The following STIM2 variants were observed in gnomAD, a reference collection of about 807,000 sequenced individuals.
The protein encoded by STIM2 is stromal interaction molecule 2.
STIM2 carries 31 observed loss-of-function variants against 85.8 expected under a neutral mutation model. The ratio of observed to expected loss-of-function variants is 0.36; its 90% CI spans 0.27 to 0.49. The LOEUF (loss-of-function observed/expected upper bound fraction) is 0.49. Among genes scored for constraint, STIM2 ranks in the 20% least tolerant of loss-of-function variants. The pLI, the probability that STIM2 is intolerant of heterozygous loss-of-function variation, is 0.98. For missense variants in STIM2, 841 were observed against 927.6 expected (o/e 0.91, Z 1.21); for synonymous variants, 356 against 331.1 (o/e 1.08, Z -0.82).
intron 2 of STIM2, among the ~76,000 whole-genome samples, chr4:26,941,659 TA>T (rs1560214254): frequency 6.6e-6 from 1 of 151,260 alleles, no homozygotes; most frequent in Non-Finnish European, 1.5e-5. Flanking sequence ...AAAATTATAC[TA>T]TGTAGCAAAT....
chr4:26,869,020 C>T (rs888644642), intron 1 of STIM2, among the ~76,000 whole-genome samples: 9 of 152,094 alleles, frequency 5.9e-5, no homozygotes, highest in East Asian at 1.9e-4. Flanking sequence ...TGGGGTCGTA[C>T]GCTGTAGCTT....
chr4:26,999,930 A>C (rs914785180), intron 5 of STIM2, among the ~76,000 whole-genome samples: 2 of 152,204 alleles, frequency 1.3e-5, no homozygotes, highest in African/African-American at 4.8e-5. Flanking sequence ...GTATTTATTT[A>C]CTTTGACAGG....
intron 3 of STIM2, among the ~76,000 whole-genome samples, chr4:26,965,384 T>A (rs1336673264): frequency 6.6e-6 from 1 of 152,194 alleles, no homozygotes. Context: ...TTTACAAATT[T>A]GGCAAACATT....
At chr4:26,922,502 G>C (rs558927445) in intron 2 of STIM2, among the ~76,000 whole-genome samples, 1 of 152,064 alleles carries the variant, frequency 6.6e-6, no homozygotes, top group Non-Finnish European at 1.5e-5. Flanking sequence ...CACTTTACTG[G>C]TTTATTTTAA....
intron 2 of STIM2, among the ~76,000 whole-genome samples, chr4:26,950,434 A>G (rs1018405084): frequency 8.5e-5 from 13 of 152,138 alleles, no homozygotes; most frequent in African/African-American, 2.9e-4. Context: ...GTGTTCCCCA[A>G]AATTTATGTG....
At chr4:26,895,510 C>G (rs1246355463) in intron 1 of STIM2, among the ~76,000 whole-genome samples, 1 of 152,102 alleles carries the variant, frequency 6.6e-6, no homozygotes, top group African/African-American at 2.4e-5. Flanking sequence ...TCTCCTTTTC[C>G]TAACTTTTTT....
chr4:27,009,051 T>G (rs553476280), intron 10 of STIM2, 49 bp downstream of exon 10: 2 of 1,526,052 alleles, frequency 1.3e-6, no homozygotes. Flanking sequence ...TTAAAGTAAT[T>G]TTCTCCTATG....
chr4:26,880,708 T>C lies in STIM2; in HGVS notation c.151+19339T>C, dbSNP rs1421416592. Among the ~76,000 whole-genome samples the C allele has an allele frequency of 2.0e-5, 3 of 147,372 alleles. No homozygotes were observed. In the East Asian group the frequency reaches 5.9e-4, roughly 29 times the overall value. On this transcript the variant is annotated intron_variant, in intron 1 of 11. Transcript: ENST00000467087. ...ATATATATATATGTATATATATATCTAATTTTCTTTTTCCCGAGGATAGAC... is the reference window on the plus strand; with the variant it reads ...ATATATATATATGTATATATATATCCAATTTTCTTTTTCCCGAGGATAGAC...
intron 3 of STIM2, among the ~76,000 whole-genome samples, chr4:26,992,453 AC>A (rs1429902359): frequency 6.6e-6 from 1 of 152,058 alleles, no homozygotes; most frequent in Non-Finnish European, 1.5e-5. Flanking sequence ...GGTGTCTCAT[AC>A]CTGTAATCTC....
chr4:26,887,122 C>T (rs1723280534), intron 1 of STIM2, among the ~76,000 whole-genome samples: 1 of 151,574 alleles, frequency 6.6e-6, no homozygotes, highest in Admixed American at 6.6e-5. Flanking sequence ...ATTGGAACAA[C>T]CCGTAGTGTT....
Position 27,007,993 on chromosome 4 carries a change from C to T in STIM2, c.1149+293C>T, listed in dbSNP as rs959996565. On this transcript the variant is annotated intron_variant, in intron 8 of 11. Coordinates refer to ENST00000467087, the MANE Select transcript of STIM2 (RefSeq NM_020860.4). The stretch of plus-strand genomic sequence containing the variant: ...GCTTTTTTCCTCTAGGTTGCTGCTT[C>T]ATATCTGATTCAGGTTAGTAGTTAC... 14 of 717,658 alleles carry T rather than the reference C, an allele frequency of 2.0e-5. No individual in the cohort carries two copies. The Admixed American group carries it at 2.2e-4, about 11-fold the overall frequency. The allele number at this position is 717,658 out of a possible 1,614,324, so 44.5% of individuals were successfully genotyped here.
chr4:26,999,940 G>A (rs556504078), intron 5 of STIM2, among the ~76,000 whole-genome samples: 1 of 151,982 alleles, frequency 6.6e-6, no homozygotes, highest in African/African-American at 2.4e-5. Context: ...ACTTTGACAG[G>A]AATATTTTTT....
intron 1 of STIM2, among the ~76,000 whole-genome samples, chr4:26,890,823 CAAAAAAAAAA>C (rs60092225): frequency 2.0e-5 from 1 of 51,058 alleles, no homozygotes; most frequent in African/African-American, 6.5e-5. Flanking sequence ...GACTCCGTCT[CAAAAAAAAAA>C]AAAAAAAAAA....
chr4:26,861,065 GC>G lies in STIM2; in HGVS notation c.-152del. 1 of 1,184,252 alleles carries G rather than the reference GC, an allele frequency of 8.4e-7. No homozygotes were observed. The highest frequency in any genetic ancestry group is 1.0e-6 in the Non-Finnish European group (1 of 959,972). The allele number at this position is 1,184,252 out of a possible 1,614,324, so 73.4% of individuals were successfully genotyped here. A position where few individuals can be genotyped will look rare whatever the true frequency, so the allele number is the denominator to read the frequency against. On this transcript the variant is annotated 5_prime_UTR_variant, in exon 1 of 12. Transcript: ENST00000467087. ...GGCGGCGGGGGCGGCCGGAGGAGTC[GC>G]CGGCGGCGGTGGTGGCGCCTCGCGG...
chr4:27,017,634 T>C, intron 10 of STIM2, 77 bp from the exon 11 acceptor site: 2 of 1,549,452 alleles, frequency 1.3e-6, no homozygotes, highest in Non-Finnish European at 8.8e-7. Flanking sequence ...ATCAGTTCTC[T>C]TGTGTGTATG....
intron 3 of STIM2, among the ~76,000 whole-genome samples, chr4:26,990,449 C>T (rs1727728435): frequency 6.6e-6 from 1 of 152,050 alleles, no homozygotes; most frequent in South Asian, 2.1e-4. Flanking sequence ...AAAATCAACT[C>T]AAAATTGATT....
intron 3 of STIM2, among the ~76,000 whole-genome samples, chr4:26,994,078 T>C (rs1182274278): frequency 6.6e-6 from 1 of 152,146 alleles, no homozygotes; most frequent in African/African-American, 2.4e-5. Flanking sequence ...CTGTCTTTTC[T>C]GGTTGATGTC....
chr4:27,010,190 A>T (rs534228492), intron 10 of STIM2, among the ~76,000 whole-genome samples: 5 of 152,170 alleles, frequency 3.3e-5, no homozygotes, highest in Non-Finnish European at 5.9e-5. Context: ...GGTGGCCTGT[A>T]ATCCCGGCAC....
At chr4:26,933,206 A>C (rs1017656690) in intron 2 of STIM2, among the ~76,000 whole-genome samples, 2 of 151,960 alleles carry the variant, frequency 1.3e-5, no homozygotes, top group Non-Finnish European at 2.9e-5. Flanking sequence ...AAAAAAAAAA[A>C]GTTAGTGTCT....
Sources: allele counts gnomAD v4.1 joint callset (sites outside exome capture counted in the v4.1 genomes callset), GRCh38; gene constraint gnomAD v4.1.1; transcripts MANE v1.5; gene names NCBI Gene and HGNC (gene_info 2026-07-23, HGNC 2026-07-21).